Variants in TSPO observed in about 807,000 individuals in gnomAD.
TSPO encodes benzodiazepine peripheral binding site.
Under a neutral mutation model 13.9 loss-of-function variants are expected in TSPO, and 14 were observed. That is an observed-to-expected ratio of 1.01 (90% CI 0.67 to 1.58). The LOEUF (loss-of-function observed/expected upper bound fraction) is 1.58, where lower values mean the gene tolerates loss of function less well. Ranked by LOEUF, TSPO falls within the 40% of genes most tolerant of loss-of-function variation. The probability of loss-of-function intolerance (pLI) is 0.00; values close to 1 mark genes in which losing one functional copy is unlikely to be tolerated. For synonymous variants in TSPO, 114 were observed against 105.9 expected (o/e 1.08, Z -0.47); for missense variants, 232 against 229.6 (o/e 1.01, Z -0.07).
At chr22:43,157,243 C>T (rs1202707990) in intron 1 of TSPO, among the ~76,000 whole-genome samples, 2 of 144,838 alleles carry the variant, frequency 1.4e-5, no homozygotes, top group Non-Finnish European at 3.0e-5. Flanking sequence ...CATCCCCACC[C>T]CATGAGCACG....
intron 3 of TSPO, among the ~76,000 whole-genome samples, chr22:43,162,387 GC>G (rs1360548225): frequency 6.6e-6 from 1 of 152,202 alleles, no homozygotes; most frequent in African/African-American, 2.4e-5. Context: ...CTCCCAAAGT[GC>G]TGGGATTACA....
Position 43,161,127 on chromosome 22 carries a change from T to C in TSPO, c.258T>C (p.Thr86=). The change falls in exon 3 of 4, where the codon ACT becomes ACC. Residue 86 remains threonine, a synonymous_variant. Transcript: ENST00000337554. ...EKAVVPLGLY[T]GQLALNWAWP... ...CTGTGGTTCCCCTGGGCCTCTACAC[T>C]GGGCAGCTGGCCCTGAACTGGGCAT... is the stretch of plus-strand genomic sequence containing the variant. 5 of 1,614,174 alleles carry C rather than the reference T, an allele frequency of 3.1e-6. No individual in the cohort carries two copies. Among genetic ancestry groups the C allele is most frequent in the Non-Finnish European group, 4.2e-6 (5 of 1,179,990 alleles).
Position 43,162,974 on chromosome 22 carries a change from C to T in TSPO, c.493C>T (p.Arg165Trp), listed in dbSNP as rs776603192. The change falls in exon 4 of 4, where the codon CGG becomes TGG. Residue 165 changes from arginine (R) to tryptophan (W), a missense_variant. Arg to Trp is a moderately radical substitution (Grantham distance 101, BLOSUM62 -3). Coordinates refer to ENST00000337554, the MANE Select transcript of TSPO (RefSeq NM_000714.6). Reference protein sequence around the residue: ...WRDNHGWRGGRRLPE With the variant: ...WRDNHGWRGGWRLPE ...GGACAACCATGGCTGGCGTGGGGGA[C>T]GGCGGCTGCCAGAGTGAGTGCCCGG... 2.9e-5 allele frequency: 46 copies of T among 1,583,012 alleles called. 2 individuals carry two copies. The highest frequency in any genetic ancestry group is 2.1e-4 in the East Asian group (9 of 42,802).
In TSPO at chr22:43,156,928, G is replaced by T. The variant is rs1931268686; in HGVS notation, c.-29-2282G>T. ...GGGAAAAGGCACGTACAGGCACCCTGGTCCGGCTCGTTTCCAGTGGAGGCT... is the reference window on the plus strand; with the variant it reads ...GGGAAAAGGCACGTACAGGCACCCTTGTCCGGCTCGTTTCCAGTGGAGGCT... On this transcript the variant is annotated intron_variant, in intron 1 of 3. Coordinates refer to ENST00000337554, the MANE Select transcript of TSPO (RefSeq NM_000714.6). 1.3e-5 allele frequency among the ~76,000 whole-genome samples: 2 copies of T among 152,186 alleles called. 1 individual carries two copies. Among genetic ancestry groups the T allele is most frequent in the South Asian group, 4.1e-4 (2 of 4,832 alleles).
chr22:43,160,947 C>T, intron 2 of TSPO, 105 bp from the exon 3 acceptor site: 6 of 1,369,002 alleles, frequency 4.4e-6, no homozygotes, highest in Non-Finnish European at 5.9e-6. Flanking sequence ...GATCACACAG[C>T]AGTCAGTGTC....
intron 1 of TSPO, among the ~76,000 whole-genome samples, chr22:43,157,077 C>T (rs1426328437): frequency 6.6e-6 from 1 of 152,154 alleles, no homozygotes; most frequent in Non-Finnish European, 1.5e-5. Flanking sequence ...CCTGGGCTTA[C>T]CTGAGAGGAT....
intron 2 of TSPO, among the ~76,000 whole-genome samples, chr22:43,160,007 G>A (rs1931384673): frequency 6.6e-6 from 1 of 152,176 alleles, no homozygotes; most frequent in African/African-American, 2.4e-5. Context: ...GGAATTGACT[G>A]CCTTCTGAAA....
At chr22:43,152,054 C>T (rs1401324207) in intron 1 of TSPO, 1 of 152,324 alleles carries the variant, frequency 6.6e-6, no homozygotes, top group East Asian at 1.9e-4. Context: ...GAGAACAGTC[C>T]AGATCGGGGA....
chr22:43,153,095 T>TCCCCTCC (rs1476223773), intron 1 of TSPO, among the ~76,000 whole-genome samples: 1 of 65,830 alleles, frequency 1.5e-5, no homozygotes, highest in Non-Finnish European at 2.7e-5. Context: ...TTTCCTTCCT[T>TCCCCTCC]CCTTCTTTCC....
chr22:43,161,240 A>T (rs1569480539), intron 3 of TSPO, 50 bp downstream of exon 3: 2 of 1,577,180 alleles, frequency 1.3e-6, no homozygotes, highest in East Asian at 2.3e-5. Context: ...CGACCCTTGG[A>T]GGACGTGGGG....
chr22:43,159,974 C>T (rs73418033), intron 2 of TSPO, among the ~76,000 whole-genome samples: 2,703 of 152,254 alleles, frequency 0.018, 77 homozygotes, highest in African/African-American at 0.061. Flanking sequence ...GTGGCTGTAG[C>T]GGGGACCACA....
Position 43,163,080 on chromosome 22 carries a change from CCTGCTAGTCTGT to C in TSPO, c.*91_*102del. ...CCGTCACGCTTTCATGACCACTGGGCCTGCTAGTCTGTCAGGGCCTTGGCCCAGGGGTCAGCA... is the reference window on the plus strand; with the variant it reads ...CCGTCACGCTTTCATGACCACTGGGCCAGGGCCTTGGCCCAGGGGTCAGCA... On this transcript the variant is annotated 3_prime_UTR_variant, in exon 4 of 4. Transcript: ENST00000337554. 6.5e-7 allele frequency: 1 copy of C among 1,541,538 alleles called. No individual in the cohort carries two copies.
chr22:43,152,885 G>T (rs1032007248), intron 1 of TSPO, among the ~76,000 whole-genome samples: 2 of 152,252 alleles, frequency 1.3e-5, no homozygotes, highest in Admixed American at 6.5e-5. Context: ...TGCCTGGCGT[G>T]AGGCAGGATG....
At chr22:43,161,284 CG>C in intron 3 of TSPO, 94 bp downstream of exon 3, 3 of 1,506,480 alleles carry the variant, frequency 2.0e-6, no homozygotes, top group Non-Finnish European at 2.7e-6. Context: ...TGTCTATAGG[CG>C]GGGCCAGGGG....
rs546066736 is a variant in TSPO, at chr22:43,163,234, C to G, written c.*243C>G. ...TTTATAAGCTGAATAAAGTTTTTGA[C>G]TTCCTTTACCATGGCCTTTTTGCTT... On this transcript the variant is annotated 3_prime_UTR_variant, in exon 4 of 4. Transcript: ENST00000337554. 3.1e-5 allele frequency: 40 copies of G among 1,270,340 alleles called. No individual in the cohort carries two copies. The East Asian group carries it at 8.4e-4, about 27-fold the overall frequency. 78.7% of individuals were successfully genotyped at this position (1,270,340 alleles called of 1,614,324 possible). A position where few individuals can be genotyped will look rare whatever the true frequency, so the allele number is the denominator to read the frequency against.
chr22:43,156,957 C>T (rs1378349244), intron 1 of TSPO, among the ~76,000 whole-genome samples: 1 of 152,130 alleles, frequency 6.6e-6, no homozygotes, highest in South Asian at 2.1e-4. Context: ...GGAGGCTGAA[C>T]GAGGCTCCTT....
Position 43,159,394 on chromosome 22 carries a change from C to A in TSPO, c.156C>A (p.Val52=). ...WHPPHWVLGP[V]WGTLYSAMGY... is the part of the protein sequence containing the mutation. ...CGCCCCACTGGGTGCTGGGCCCTGT[C>A]TGGGGCACGCTCTACTCAGCCATGG... Residue 52 remains valine, a synonymous_variant, in exon 2 of 4, where the codon GTC becomes GTA. Transcript: ENST00000337554. The A allele has an allele frequency of 6.5e-7, 1 of 1,535,458 alleles. No homozygotes were observed. Among genetic ancestry groups the A allele is most frequent in the Non-Finnish European group, 8.8e-7 (1 of 1,141,758 alleles).
At chr22:43,154,356 A>G (rs1048048897) in intron 1 of TSPO, among the ~76,000 whole-genome samples, 8 of 149,756 alleles carry the variant, frequency 5.3e-5, no homozygotes, top group African/African-American at 2.0e-4. Flanking sequence ...TGTTTGCTTT[A>G]TTTATTTATT....
At chr22:43,158,171 T>A (rs1222614518) in intron 1 of TSPO, among the ~76,000 whole-genome samples, 1 of 152,182 alleles carries the variant, frequency 6.6e-6, no homozygotes, top group Non-Finnish European at 1.5e-5. Flanking sequence ...GCTGCCTCCA[T>A]GTCCCCTGGA....
Sources: allele counts gnomAD v4.1 joint callset (sites outside exome capture counted in the v4.1 genomes callset), GRCh38; gene constraint gnomAD v4.1.1; transcripts MANE v1.5; gene names NCBI Gene and HGNC (gene_info 2026-07-23, HGNC 2026-07-21).